Variants in NOMO1 observed in about 807,000 individuals in gnomAD.
The protein encoded by NOMO1 is NODAL modulator 1, also known as nodal modulator 3.
Under a neutral mutation model 133.8 loss-of-function variants are expected in NOMO1, and 40 were observed. The ratio of observed to expected loss-of-function variants is 0.30; its 90% CI spans 0.23 to 0.39. The LOEUF (loss-of-function observed/expected upper bound fraction) is 0.39. Among genes scored for constraint, NOMO1 ranks in the 10% least tolerant of loss-of-function variants. The pLI, the probability that NOMO1 is intolerant of heterozygous loss-of-function variation, is 1.00. For missense variants in NOMO1, 462 were observed against 1,419.9 expected (o/e 0.33, Z 10.84); for synonymous variants, 236 against 570.5 (o/e 0.41, Z 8.36).
Position 14,850,808 on chromosome 16 carries a change from C to T in NOMO1, c.583-1622C>T, listed in dbSNP as rs2606842. Among the ~76,000 whole-genome samples the T allele has an allele frequency of 1.2e-3, 182 of 151,556 alleles. 1 individual carries two copies. The highest frequency in any genetic ancestry group is 3.9e-3 in the African/African-American group (160 of 41,148). ...TAAAAATATTTTATTCAAGGCTGGGCGCAGTTGCTCATGCTGTAATTCCAG... is the reference window on the plus strand; with the variant it reads ...TAAAAATATTTTATTCAAGGCTGGGTGCAGTTGCTCATGCTGTAATTCCAG... On this transcript the variant is annotated intron_variant, in intron 6 of 30. Transcript: ENST00000287667.
intron 16 of NOMO1, among the ~76,000 whole-genome samples, chr16:14,869,957 A>G (rs1245198722): frequency 6.6e-6 from 1 of 151,362 alleles, no homozygotes; most frequent in African/African-American, 2.4e-5. Context: ...GTCGTGTCTC[A>G]TGGTGGTTTT....
chr16:14,846,274 G>A (rs1231202736), intron 4 of NOMO1, among the ~76,000 whole-genome samples: 3 of 151,176 alleles, frequency 2.0e-5, no homozygotes, highest in African/African-American at 7.4e-5. Context: ...TGGTCTGCCT[G>A]CCTCAGCCTC....
intron 5 of NOMO1, among the ~76,000 whole-genome samples, chr16:14,847,010 T>TA (rs1287928865): frequency 1.3e-5 from 2 of 151,914 alleles, no homozygotes; most frequent in African/African-American, 4.8e-5. Flanking sequence ...CTGGACAACT[T>TA]AGGGAGACTC....
intron 20 of NOMO1, 141 bp from the exon 21 acceptor site, chr16:14,876,218 T>TC: frequency 9.4e-7 from 1 of 1,062,830 alleles, no homozygotes; most frequent in Non-Finnish European, 1.4e-6. Flanking sequence ...ATTATTGAGC[T>TC]CCCCGGGGTG....
chr16:14,839,141 A>G (rs981730900), intron 2 of NOMO1, among the ~76,000 whole-genome samples: 1 of 149,724 alleles, frequency 6.7e-6, no homozygotes, highest in African/African-American at 2.5e-5. Flanking sequence ...TCCAACCTCC[A>G]CCCCCCAGGT....
At chr16:14,846,474 A>G in intron 4 of NOMO1, 103 bp from the exon 5 acceptor site, 1 of 550,594 alleles carries the variant, frequency 1.8e-6, no homozygotes, top group East Asian at 3.1e-5. Flanking sequence ...TCTTGACCCA[A>G]AGAGGGTTCC....
intron 25 of NOMO1, 62 bp downstream of exon 25, chr16:14,881,747 TGTG>T: frequency 3.1e-6 from 5 of 1,607,308 alleles, no homozygotes; most frequent in South Asian, 1.1e-5. Context: ...AGAAGTATCT[TGTG>T]GTGGCCCCAA....
At chr16:14,840,594 A>G (rs1320367561) in intron 2 of NOMO1, among the ~76,000 whole-genome samples, 2 of 150,846 alleles carry the variant, frequency 1.3e-5, no homozygotes, top group Non-Finnish European at 3.0e-5. Context: ...CTCAAAAAAA[A>G]AAAACTAAAA....
At chr16:14,862,908 C>G (rs967777648) in intron 11 of NOMO1, 105 bp from the exon 12 acceptor site, 31 of 1,499,342 alleles carry the variant, frequency 2.1e-5, no homozygotes, top group Non-Finnish European at 2.4e-5. Flanking sequence ...TTAGACTATT[C>G]TCAGGAACAA....
chr16:14,856,981 T>G (rs1024509913), intron 9 of NOMO1, among the ~76,000 whole-genome samples: 1 of 151,960 alleles, frequency 6.6e-6, no homozygotes, highest in Admixed American at 6.6e-5. Context: ...GGGAAGTAAG[T>G]CTCTAGACTT....
chr16:14,877,085 AT>A (rs1157824614), intron 22 of NOMO1, among the ~76,000 whole-genome samples: 6 of 134,624 alleles, frequency 4.5e-5, no homozygotes, highest in African/African-American at 1.6e-4. Context: ...GCCATTGAGA[AT>A]AATGGCAGAA....
intron 20 of NOMO1, 134 bp downstream of exon 20, chr16:14,875,556 A>T: frequency 1.1e-6 from 1 of 928,512 alleles, no homozygotes; most frequent in East Asian, 2.5e-5. Flanking sequence ...TGGCACACAG[A>T]TGTTACTGTT....
chr16:14,839,067 T>C (rs191945485), intron 2 of NOMO1, among the ~76,000 whole-genome samples: 2,418 of 151,842 alleles, frequency 0.016, 50 homozygotes, highest in South Asian at 0.065. Context: ...TTTTTTTTCT[T>C]CTTTTGAGAT....
In NOMO1 at chr16:14,856,969, G is replaced by A. The variant is rs374041670; in HGVS notation, c.964-248G>A. 1.6e-4 allele frequency among the ~76,000 whole-genome samples: 24 copies of A among 152,134 alleles called. No individual in the cohort carries two copies. The East Asian group carries it at 2.5e-3, about 16-fold the overall frequency. On this transcript the variant is annotated intron_variant, in intron 9 of 30. Coordinates refer to ENST00000287667, the MANE Select transcript of NOMO1 (RefSeq NM_014287.4). ...AAGCTTGAGTCAGTGACCTTTTAAC[G>A]AGGGAAGTAAGTCTCTAGACTTTTC...
chr16:14,867,176 A>AT (rs1174703237), intron 15 of NOMO1, among the ~76,000 whole-genome samples: 17 of 7,474 alleles, frequency 2.3e-3, no homozygotes, highest in African/African-American at 4.4e-3. Flanking sequence ...ATATATATAT[A>AT]TTTTTTTTTT....
At chr16:14,843,057 A>G (rs957099724) in intron 3 of NOMO1, among the ~76,000 whole-genome samples, 1 of 129,122 alleles carries the variant, frequency 7.7e-6, no homozygotes, top group African/African-American at 2.9e-5. Context: ...AGATGAGATT[A>G]CAGGTGTGCA....
At chr16:14,853,667 T>C in intron 8 of NOMO1, 63 bp downstream of exon 8, 2 of 1,611,018 alleles carry the variant, frequency 1.2e-6, no homozygotes, top group Admixed American at 1.7e-5. Context: ...TAAAAGCCAA[T>C]GCTGTTTGGG....
intron 3 of NOMO1, among the ~76,000 whole-genome samples, chr16:14,842,074 A>G (rs1345857257): frequency 6.6e-6 from 1 of 151,966 alleles, no homozygotes; most frequent in Non-Finnish European, 1.5e-5. Context: ...AAAGCTCCAA[A>G]CTTTCCTCAT....
At chr16:14,878,973 G>C in intron 23 of NOMO1, 139 bp downstream of exon 23, 1 of 909,898 alleles carries the variant, frequency 1.1e-6, no homozygotes. Flanking sequence ...GGGGGCCCAC[G>C]GTCATTAGAG....
Sources: gnomAD v4.1 joint callset for allele counts (sites outside exome capture counted in the v4.1 genomes callset) on GRCh38, gnomAD v4.1.1 for gene constraint, MANE v1.5 for transcripts, NCBI Gene and HGNC (gene_info 2026-07-23, HGNC 2026-07-21) for gene names.